The following RP1 variants were observed in gnomAD, a reference collection of about 807,000 sequenced individuals.
RP1 encodes oxygen-regulated protein 1.
In RP1, 16 loss-of-function variants were observed where a neutral mutation model predicts 14.8. The ratio of observed to expected loss-of-function variants is 1.08; its 90% CI spans 0.73 to 1.65. RP1 has a LOEUF of 1.65. RP1 is among the 40% of genes most tolerant of loss of function. The probability of loss-of-function intolerance (pLI) is 0.00; values close to 1 mark genes in which losing one functional copy is unlikely to be tolerated. For synonymous variants in RP1, 876 were observed against 883.6 expected, an observed-to-expected ratio of 0.99 and a Z score of 0.15; for missense variants, 2,631 against 2,535.0, an observed-to-expected ratio of 1.04 and a Z score of -0.81.
chr8:54,638,662 C>T (rs773448290), intron 3 of RP1, among the ~76,000 whole-genome samples: 4 of 152,086 alleles, frequency 2.6e-5, no homozygotes, highest in Non-Finnish European at 5.9e-5. Context: ...TTCTGGTATT[C>T]TGAAATTTCA....
At chr8:54,707,276 A>G (rs1266739570) in intron 15 of RP1, among the ~76,000 whole-genome samples, 4 of 152,100 alleles carry the variant, frequency 2.6e-5, no homozygotes, top group African/African-American at 9.7e-5. Context: ...GGCGCATGCC[A>G]CCATGCCCTG....
At chr8:54,691,432 A>G (rs1241378578) in intron 12 of RP1, among the ~76,000 whole-genome samples, 1 of 152,094 alleles carries the variant, frequency 6.6e-6, no homozygotes, top group African/African-American at 2.4e-5. Context: ...TTTGAAAGCT[A>G]GGAATGTGTG....
chr8:54,619,929 A>G (rs772252647), intron 1 of RP1, among the ~76,000 whole-genome samples: 1 of 152,148 alleles, frequency 6.6e-6, no homozygotes, highest in African/African-American at 2.4e-5. Context: ...CTTTAAAAAC[A>G]TTTCCTGTTT....
At chr8:54,717,443 G>T (rs987235734) in intron 15 of RP1, among the ~76,000 whole-genome samples, 3 of 152,118 alleles carry the variant, frequency 2.0e-5, no homozygotes, top group African/African-American at 7.2e-5. Flanking sequence ...GGAATGAGGT[G>T]ATGGGGCCTA....
chr8:54,755,079 T>C (rs952368282), intron 20 of RP1: 31 of 832,246 alleles, frequency 3.7e-5, no homozygotes, highest in Non-Finnish European at 5.0e-5. Context: ...ACTTTTTTAA[T>C]GTCACAGCAT....
chr8:54,824,635 T>C (rs13282412), intron 24 of RP1, among the ~76,000 whole-genome samples: 44,314 of 152,076 alleles, frequency 0.29, 6,823 homozygotes, highest in South Asian at 0.37. Context: ...CTAATTTTCC[T>C]CATGAGTATA....
intron 24 of RP1, among the ~76,000 whole-genome samples, chr8:54,826,637 C>A (rs539268262): frequency 6.6e-6 from 1 of 152,168 alleles, no homozygotes; most frequent in Non-Finnish European, 1.5e-5. Flanking sequence ...AATTCAGTCT[C>A]CAATGTAATG....
chr8:54,678,597 T>C, intron 9 of RP1: 1 of 1,358,430 alleles, frequency 7.4e-7, no homozygotes, highest in African/African-American at 1.4e-5. Context: ...AGTTTGTGCA[T>C]TGAGAACTGG....
intron 25 of RP1, among the ~76,000 whole-genome samples, chr8:54,842,558 C>T (rs542049151): frequency 6.6e-6 from 1 of 152,124 alleles, no homozygotes; most frequent in South Asian, 2.1e-4. Context: ...TCATTCCTTC[C>T]CCTCCTTCCT....
chr8:54,781,541 A>G (rs1810189354), intron 23 of RP1, among the ~76,000 whole-genome samples: 1 of 152,228 alleles, frequency 6.6e-6, no homozygotes, highest in Non-Finnish European at 1.5e-5. Flanking sequence ...AAGCAATACA[A>G]AAACTGTAAA....
chr8:54,834,077 T>G (rs1261421779), intron 24 of RP1, among the ~76,000 whole-genome samples: 2 of 151,810 alleles, frequency 1.3e-5, no homozygotes, highest in African/African-American at 2.4e-5. Context: ...GAGTTAAGGG[T>G]CTAGTGGGGA....
intron 1 of RP1, among the ~76,000 whole-genome samples, chr8:54,601,408 T>G (rs958976720): frequency 4.7e-5 from 6 of 127,588 alleles, no homozygotes; most frequent in Non-Finnish European, 9.7e-5. Context: ...AACATTACAC[T>G]CTGGGGACTG....
At chr8:54,653,275 G>T (rs1806691758) in intron 5 of RP1, among the ~76,000 whole-genome samples, 1 of 152,064 alleles carries the variant, frequency 6.6e-6, no homozygotes, top group African/African-American at 2.4e-5. Context: ...TGCTAAGAAG[G>T]AAAATGCCCC....
upstream of RP1, among the ~76,000 whole-genome samples, chr8:54,613,902 C>T (rs1563325873): frequency 6.6e-6 from 1 of 152,120 alleles, no homozygotes; most frequent in African/African-American, 2.4e-5. Flanking sequence ...TTGAGGCATG[C>T]TAGGGCATGA....
At chr8:54,696,813 C>T in intron 12 of RP1, 1 of 733,204 alleles carries the variant, frequency 1.4e-6, no homozygotes, top group African/African-American at 1.7e-5. Flanking sequence ...CGTTATGTGA[C>T]CTGCGGATTT....
chr8:54,717,917 A>G (rs1585632516), intron 15 of RP1, among the ~76,000 whole-genome samples: 2 of 152,268 alleles, frequency 1.3e-5, no homozygotes, highest in East Asian at 3.9e-4. Flanking sequence ...CTAATATACA[A>G]ATTTTCATTG....
chr8:54,719,973 A>T (rs892268193), intron 15 of RP1, among the ~76,000 whole-genome samples: 2 of 152,198 alleles, frequency 1.3e-5, no homozygotes, highest in Non-Finnish European at 2.9e-5. Flanking sequence ...CTTGTGAAAT[A>T]GGATGAAGCA....
chr8:54,821,968 G>A (rs1299529505), intron 24 of RP1, among the ~76,000 whole-genome samples: 1 of 152,142 alleles, frequency 6.6e-6, no homozygotes, highest in Non-Finnish European at 1.5e-5. Flanking sequence ...GGACAGAAGA[G>A]CAAACTTAAC....
chr8:54,672,838 A>G (rs1424604846), intron 7 of RP1, among the ~76,000 whole-genome samples: 6 of 152,174 alleles, frequency 3.9e-5, no homozygotes, highest in East Asian at 1.9e-4. Flanking sequence ...GTATGTCAGC[A>G]TATTTTCATT....
Sources: allele counts gnomAD v4.1 joint callset (sites outside exome capture counted in the v4.1 genomes callset), GRCh38; gene constraint gnomAD v4.1.1; transcripts MANE v1.5; gene names NCBI Gene and HGNC (gene_info 2026-07-23, HGNC 2026-07-21).